Variants in RBM33 observed in about 807,000 individuals in gnomAD.
The protein encoded by RBM33 is RNA-binding protein 33.
RBM33 carries 28 observed loss-of-function variants against 132.6 expected under a neutral mutation model. The ratio of observed to expected loss-of-function variants is 0.21; its 90% CI spans 0.16 to 0.29. The LOEUF is 0.29. RBM33 is among the 10% of genes least tolerant of loss of function. The pLI, the probability that RBM33 is intolerant of heterozygous loss-of-function variation, is 1.00. For missense variants in RBM33, 1,291 were observed against 1,518.5 expected (o/e 0.85, Z 2.49); for synonymous variants, 634 against 593.0 (o/e 1.07, Z -1.01).
chr7:155,668,486 A>G (rs1188324076), intron 2 of RBM33, among the ~76,000 whole-genome samples: 1 of 152,068 alleles, frequency 6.6e-6, no homozygotes, highest in Non-Finnish European at 1.5e-5. Flanking sequence ...TCAGGTTTGA[A>G]CTTGGGGGAG....
chr7:155,671,232 T>C (rs1317664797), intron 2 of RBM33, among the ~76,000 whole-genome samples: 2 of 152,224 alleles, frequency 1.3e-5, no homozygotes, highest in Non-Finnish European at 2.9e-5. Context: ...TTGTATTTGA[T>C]AGATGATAGT....
chr7:155,673,940 G>GTTGTTGTTTTTTTTTT lies in RBM33; in HGVS notation c.171+1027_171+1028insGTTGTTTTTTTTTTTT. Among the ~76,000 whole-genome samples, 11 of 54,210 alleles carry GTTGTTGTTTTTTTTTT rather than the reference G, an allele frequency of 2.0e-4. 1 individual carries two copies. Among genetic ancestry groups the GTTGTTGTTTTTTTTTT allele is most frequent in the African/African-American group, 5.8e-4 (7 of 12,116 alleles). 35.6% of individuals were successfully genotyped at this position (54,210 alleles called of 152,430 possible). A position where few individuals can be genotyped will look rare whatever the true frequency, so the allele number is the denominator to read the frequency against. On this transcript the variant is annotated intron_variant, in intron 3 of 17. Transcript: ENST00000401878. ...TCATTATCAAGATAGTTTAGGCTTA[G>GTTGTTGTTTTTTTTTT]TTTTTTTTTTTTTTTTTTTTTTTTT...
intron 8 of RBM33, among the ~76,000 whole-genome samples, chr7:155,717,575 G>GT (rs1402502994): frequency 2.0e-5 from 3 of 152,090 alleles, no homozygotes. Context: ...CAGCCCCACA[G>GT]TACCTGACAA....
intron 8 of RBM33, among the ~76,000 whole-genome samples, chr7:155,716,299 GT>G (rs1800458247): frequency 1.2e-5 from 1 of 81,124 alleles, no homozygotes; most frequent in Admixed American, 1.1e-4. Flanking sequence ...TTTGTCAGCT[GT>G]TTTTCCTTTT....
chr7:155,728,961 A>G (rs76518375), intron 9 of RBM33, among the ~76,000 whole-genome samples: 1,629 of 152,304 alleles, frequency 0.011, 24 homozygotes, highest in African/African-American at 0.037. Flanking sequence ...ATGAGACAGC[A>G]TGTGTATTAG....
At chr7:155,664,457 G>A (rs1307996817) in intron 1 of RBM33, among the ~76,000 whole-genome samples, 1 of 151,454 alleles carries the variant, frequency 6.6e-6, no homozygotes, top group Non-Finnish European at 1.5e-5. Flanking sequence ...TTTTAGTAGA[G>A]GTGGGGCTTT....
intron 1 of RBM33, among the ~76,000 whole-genome samples, chr7:155,655,204 G>C (rs2116873433): frequency 6.6e-6 from 1 of 152,322 alleles, no homozygotes; most frequent in East Asian, 1.9e-4. Flanking sequence ...CATATTGTAT[G>C]ATATTGGAGA....
At chr7:155,670,890 G>A (rs557215554) in intron 2 of RBM33, among the ~76,000 whole-genome samples, 6 of 152,144 alleles carry the variant, frequency 3.9e-5, no homozygotes, top group Admixed American at 2.6e-4. Flanking sequence ...AAATGTTTTC[G>A]TTGAGAAAAA....
chr7:155,673,402 T>TTGTGGGGGGGGG (rs1491358812), intron 3 of RBM33, among the ~76,000 whole-genome samples: 4 of 45,160 alleles, frequency 8.9e-5, no homozygotes, highest in African/African-American at 4.4e-4. Flanking sequence ...TTTATATATA[T>TTGTGGGGGGGGG]TGTGTGTGTG....
At chr7:155,720,677 A>G (rs1193773495) in intron 9 of RBM33, among the ~76,000 whole-genome samples, 1 of 152,180 alleles carries the variant, frequency 6.6e-6, no homozygotes, top group Non-Finnish European at 1.5e-5. Flanking sequence ...CCTTGAAGCT[A>G]ATTTTCATTT....
intron 2 of RBM33, among the ~76,000 whole-genome samples, chr7:155,668,654 C>A (rs950858268): frequency 2.0e-5 from 3 of 152,108 alleles, no homozygotes; most frequent in Admixed American, 2.0e-4. Context: ...CTAGTTCGTT[C>A]TTGAGGTAGA....
intron 5 of RBM33, among the ~76,000 whole-genome samples, chr7:155,695,696 A>G (rs1388868471): frequency 6.6e-6 from 1 of 152,160 alleles, no homozygotes; most frequent in Admixed American, 6.5e-5. Flanking sequence ...CCTGACCTCA[A>G]GTGATCTGCC....
intron 8 of RBM33, among the ~76,000 whole-genome samples, chr7:155,716,678 A>T (rs1301761843): frequency 6.6e-6 from 1 of 152,086 alleles, no homozygotes; most frequent in Non-Finnish European, 1.5e-5. Flanking sequence ...GGTCAGAGAT[A>T]TTCTTGTTTT....
chr7:155,651,582 CAAA>C (rs34693646), intron 1 of RBM33, among the ~76,000 whole-genome samples: 2 of 94,572 alleles, frequency 2.1e-5, no homozygotes, highest in African/African-American at 4.4e-5. Context: ...TTTGTCTCAC[CAAA>C]AAAAAAAAAA....
chr7:155,673,940 G>GTTTTTTTTTTTTTTTTTTT (rs71186053), intron 3 of RBM33, among the ~76,000 whole-genome samples: 16 of 54,196 alleles, frequency 3.0e-4, no homozygotes, highest in East Asian at 2.0e-3. Flanking sequence ...TTTAGGCTTA[G>GTTTTTTTTTTTTTTTTTTT]TTTTTTTTTT....
intron 5 of RBM33, among the ~76,000 whole-genome samples, chr7:155,700,193 C>T (rs1462736544): frequency 1.4e-4 from 22 of 152,154 alleles, no homozygotes. Context: ...TCAATAGTCT[C>T]AGTCAAAGAT....
Position 155,781,208 on chromosome 7 carries a change from T to C in RBM33, c.*6167T>C, listed in dbSNP as rs755611192. 1 of 152,338 alleles carries C rather than the reference T, an allele frequency of 6.6e-6. No homozygotes were observed. The highest frequency in any genetic ancestry group is 1.5e-5 in the Non-Finnish European group (1 of 68,034). The allele number at this position is 152,338 out of a possible 1,614,324, so 9.4% of individuals were successfully genotyped here. A position where few individuals can be genotyped will look rare whatever the true frequency, so the allele number is the denominator to read the frequency against. On this transcript the variant is annotated 3_prime_UTR_variant, in exon 18 of 18. Coordinates refer to ENST00000401878, the MANE Select transcript of RBM33 (RefSeq NM_053043.3). ...TTGAGACATGGAGAGATGACGGGAG[T>C]GCGTTTCTCTGGGTTTGATCTCCAT...
At chr7:155,653,357 TG>T (rs539979819) in intron 1 of RBM33, among the ~76,000 whole-genome samples, 77 of 152,256 alleles carry the variant, frequency 5.1e-4, no homozygotes, top group African/African-American at 1.8e-3. Flanking sequence ...CATGCCCTTT[TG>T]GGGGATGCTG....
intron 7 of RBM33, among the ~76,000 whole-genome samples, chr7:155,709,195 T>G (rs1168413527): frequency 6.6e-6 from 1 of 152,194 alleles, no homozygotes; most frequent in African/African-American, 2.4e-5. Flanking sequence ...ATTTCCAAAT[T>G]AAACATAATA....
Sources: gnomAD v4.1 joint callset for allele counts (sites outside exome capture counted in the v4.1 genomes callset) on GRCh38, gnomAD v4.1.1 for gene constraint, MANE v1.5 for transcripts, NCBI Gene and HGNC (gene_info 2026-07-23, HGNC 2026-07-21) for gene names.